Variants in TIAM2 observed in about 807,000 individuals in gnomAD.
TIAM2 encodes the protein TIAM Rac1 associated GEF 2, also known as rho guanine nucleotide exchange factor TIAM2.
A neutral mutation model predicts 152.9 loss-of-function variants in TIAM2; 80 were observed. The ratio of observed to expected loss-of-function variants is 0.52; its 90% CI spans 0.44 to 0.63. The LOEUF (loss-of-function observed/expected upper bound fraction) is 0.63, where lower values mean the gene tolerates loss of function less well. Among genes scored for constraint, TIAM2 ranks in the 30% least tolerant of loss-of-function variants. The pLI is 0.00. For synonymous variants in TIAM2, 804 were observed against 838.0 expected (o/e 0.96, Z 0.70); for missense variants, 1,965 against 2,120.1 (o/e 0.93, Z 1.44).
chr6:155,220,969 A>G (rs746216844), intron 15 of TIAM2, among the ~76,000 whole-genome samples: 3 of 151,662 alleles, frequency 2.0e-5, no homozygotes, highest in Non-Finnish European at 2.9e-5. Context: ...CCCTGTGTCC[A>G]TGGTTCTCAT....
intron 5 of TIAM2, among the ~76,000 whole-genome samples, chr6:155,139,259 C>A (rs1779632621): frequency 6.6e-6 from 1 of 152,230 alleles, no homozygotes; most frequent in South Asian, 2.1e-4. Flanking sequence ...AGGCATCATG[C>A]CTTCGTTACC....
chr6:155,211,142 C>A, intron 14 of TIAM2, 62 bp from the exon 15 acceptor site: 2 of 1,445,580 alleles, frequency 1.4e-6, no homozygotes, highest in South Asian at 1.2e-5. Context: ...GCCTTTAAAC[C>A]GGGTGTTATT....
chr6:155,019,958 C>T (rs1389953324), intron 1 of TIAM2, among the ~76,000 whole-genome samples: 3 of 152,060 alleles, frequency 2.0e-5, no homozygotes, highest in African/African-American at 4.8e-5. Flanking sequence ...GAGGCTGAGG[C>T]AGGAGAATCA....
chr6:155,236,658 G>A (rs1328712503), intron 15 of TIAM2, among the ~76,000 whole-genome samples: 1 of 152,098 alleles, frequency 6.6e-6, no homozygotes, highest in Non-Finnish European at 1.5e-5. Flanking sequence ...GCAAGACTCT[G>A]TCTCAAAAAA....
intron 7 of TIAM2, among the ~76,000 whole-genome samples, chr6:155,150,939 G>T (rs961131852): frequency 4.6e-5 from 7 of 152,124 alleles, no homozygotes; most frequent in Non-Finnish European, 1.0e-4. Context: ...TTGTTGGCAC[G>T]CAAACAGTTC....
At chr6:155,038,986 G>A (rs1192421940) in intron 1 of TIAM2, among the ~76,000 whole-genome samples, 4 of 142,322 alleles carry the variant, frequency 2.8e-5, no homozygotes, top group Non-Finnish European at 6.1e-5. Context: ...TTGGCGATAG[G>A]GTCTTACTCT....
At chr6:155,150,386 G>A (rs1779926489) in intron 7 of TIAM2, among the ~76,000 whole-genome samples, 1 of 152,196 alleles carries the variant, frequency 6.6e-6, no homozygotes, top group African/African-American at 2.4e-5. Flanking sequence ...AGGTTGTACT[G>A]TGATCTTGAG....
intron 13 of TIAM2, 78 bp downstream of exon 13, chr6:155,182,396 C>A: frequency 8.0e-7 from 1 of 1,254,820 alleles, no homozygotes; most frequent in Non-Finnish European, 1.1e-6. Flanking sequence ...AATGTTTCTT[C>A]TTACAGTTTT....
chr6:155,070,157 C>G (rs1157770868), intron 1 of TIAM2, among the ~76,000 whole-genome samples: 1 of 148,726 alleles, frequency 6.7e-6, no homozygotes, highest in African/African-American at 2.5e-5. Flanking sequence ...TCTGCCTGCC[C>G]CACCTCCCAA....
At chr6:155,253,269 A>G (rs1443453852) in intron 24 of TIAM2, 1 of 516,774 alleles carries the variant, frequency 1.9e-6, no homozygotes, top group Non-Finnish European at 3.4e-6. Flanking sequence ...AATGCCTTTC[A>G]TTGTTTCCTT....
intron 2 of TIAM2, among the ~76,000 whole-genome samples, chr6:155,106,310 G>C (rs1410989741): frequency 6.6e-6 from 1 of 151,990 alleles, no homozygotes; most frequent in South Asian, 2.1e-4. Context: ...CAGCCTTTTT[G>C]GGGTATTTTT....
chr6:155,076,832 A>C (rs1005539044), intron 1 of TIAM2, among the ~76,000 whole-genome samples: 1 of 152,112 alleles, frequency 6.6e-6, no homozygotes, highest in East Asian at 1.9e-4. Flanking sequence ...AGTAGCTGGG[A>C]TTACATGCGT....
At chr6:155,199,662 G>A (rs191360992) in intron 14 of TIAM2, among the ~76,000 whole-genome samples, 5 of 152,258 alleles carry the variant, frequency 3.3e-5, no homozygotes, top group Admixed American at 3.3e-4. Context: ...CTACAGGAGT[G>A]TACATTTCCT....
In TIAM2 at chr6:155,090,300, T is replaced by C. The variant is rs1778272230; in HGVS notation, c.-197T>C. ...TTTTATTTTGCCAGGGCTCTGTGTATGAATGACAAGGATACCTTCAGCCAG... is the reference window on the plus strand; with the variant it reads ...TTTTATTTTGCCAGGGCTCTGTGTACGAATGACAAGGATACCTTCAGCCAG... On this transcript the variant is annotated 5_prime_UTR_variant, in exon 2 of 27. It removes an upstream start codon present in the reference 5' UTR. Coordinates refer to ENST00000682666, the MANE Select transcript of TIAM2 (RefSeq NM_012454.4). 2 of 152,232 alleles carry C rather than the reference T, an allele frequency of 1.3e-5. No individual in the cohort carries two copies. Among genetic ancestry groups the C allele is most frequent in the Non-Finnish European group, 2.9e-5 (2 of 68,034 alleles). 9.4% of individuals were successfully genotyped at this position (152,232 alleles called of 1,614,324 possible).
intron 4 of TIAM2, 112 bp downstream of exon 4, chr6:155,130,529 C>A: frequency 1.0e-6 from 1 of 990,430 alleles, no homozygotes; most frequent in Non-Finnish European, 1.5e-6. Flanking sequence ...AGTGATCTGG[C>A]AAAAGTGAAG....
At chr6:155,221,543 C>T (rs1464617956) in intron 15 of TIAM2, among the ~76,000 whole-genome samples, 3 of 152,208 alleles carry the variant, frequency 2.0e-5, no homozygotes, top group East Asian at 3.8e-4. Flanking sequence ...TCTGAGATGA[C>T]ACTTGAAGTG....
At chr6:155,110,495 C>T (rs1019173103) in intron 2 of TIAM2, among the ~76,000 whole-genome samples, 1 of 152,148 alleles carries the variant, frequency 6.6e-6, no homozygotes, top group African/African-American at 2.4e-5. Context: ...CTGTGACCAT[C>T]AGCTCTCTGA....
At chr6:155,009,999 C>T (rs772713462) in intron 1 of TIAM2, among the ~76,000 whole-genome samples, 10 of 151,882 alleles carry the variant, frequency 6.6e-5, no homozygotes, top group African/African-American at 9.7e-5. Context: ...ACTACAGGCG[C>T]CCGCCACCAC....
chr6:155,252,817 T>G, intron 23 of TIAM2, 131 bp from the exon 24 acceptor site: 1 of 729,498 alleles, frequency 1.4e-6, no homozygotes, highest in Non-Finnish European at 2.3e-6. Context: ...TTGACTTCTG[T>G]GCCCTGAACA....
Sources: gnomAD v4.1 joint callset for allele counts (sites outside exome capture counted in the v4.1 genomes callset) on GRCh38, gnomAD v4.1.1 for gene constraint, MANE v1.5 for transcripts, NCBI Gene and HGNC (gene_info 2026-07-23, HGNC 2026-07-21) for gene names.